SEMA3D: variants seen among roughly 807,000 people sequenced by gnomAD.
The protein encoded by SEMA3D is semaphorin-3D.
SEMA3D carries 84 observed loss-of-function variants against 100.1 expected under a neutral mutation model. That is an observed-to-expected ratio of 0.84 (90% confidence interval 0.70 to 1.01). The LOEUF (loss-of-function observed/expected upper bound fraction) is 1.01. Ranked by LOEUF, SEMA3D falls within the 50% of genes least tolerant of loss-of-function variation. The probability of loss-of-function intolerance (pLI) is 0.00; values close to 1 mark genes in which losing one functional copy is unlikely to be tolerated. For synonymous variants in SEMA3D, 312 were observed against 320.7 expected (o/e 0.97, Z 0.29); for missense variants, 875 against 934.1 (o/e 0.94, Z 0.82).
At chr7:85,230,103 C>A in the SEMA3D span, among the ~76,000 whole-genome samples, 18 of 152,132 alleles carry the variant, frequency 1.2e-4, no homozygotes, top group Admixed American at 9.2e-4. Flanking sequence ...TTGATTATAT[C>A]CATATTTCTA....
the SEMA3D span, among the ~76,000 whole-genome samples, chr7:85,206,077 T>C: frequency 6.6e-6 from 1 of 152,058 alleles, no homozygotes; most frequent in East Asian, 1.9e-4. Context: ...AAATGACGTA[T>C]CAGGACCTCC....
chr7:85,220,474 G>A, the SEMA3D span, among the ~76,000 whole-genome samples: 1 of 151,610 alleles, frequency 6.6e-6, no homozygotes, highest in Admixed American at 6.6e-5. Flanking sequence ...CTTATGAATG[G>A]GTCAGTCATA....
chr7:85,064,028 AC>A lies in SEMA3D; in HGVS notation c.718+1395del, dbSNP rs540528936. 3.5e-4 allele frequency among the ~76,000 whole-genome samples: 54 copies of A among 152,288 alleles called. No homozygotes were observed. The South Asian group carries it at 0.011, about 30-fold the overall frequency. Reference sequence around the variant, plus strand: ...TAATCTCTAATCTTCTTCATACAGTACTAAAAATAGCATATCTAGGCAAATA... The same window carrying A: ...TAATCTCTAATCTTCTTCATACAGTATAAAAATAGCATATCTAGGCAAATA... On this transcript the variant is annotated intron_variant, in intron 8 of 18. Transcript: ENST00000284136.
At chr7:85,097,744 G>A (rs187257479) in intron 4 of SEMA3D, 61 bp downstream of exon 4, 199 of 1,082,720 alleles carry the variant, frequency 1.8e-4, no homozygotes, top group South Asian at 4.2e-4. Context: ...AAAACAAAAC[G>A]GGAGAAGAAG....
chr7:85,064,374 G>A (rs760730461), intron 8 of SEMA3D, among the ~76,000 whole-genome samples: 10 of 152,180 alleles, frequency 6.6e-5, no homozygotes, highest in Non-Finnish European at 1.2e-4. Flanking sequence ...GGGTAATCAC[G>A]TAGTCATGGA....
chr7:85,083,314 AAG>A (rs1464296844), intron 4 of SEMA3D, among the ~76,000 whole-genome samples: 1 of 152,150 alleles, frequency 6.6e-6, no homozygotes, highest in African/African-American at 2.4e-5. Flanking sequence ...AATTAAGAAA[AAG>A]AGAATAATGT....
At chr7:85,213,216 A>G in the SEMA3D span, among the ~76,000 whole-genome samples, 1 of 151,980 alleles carries the variant, frequency 6.6e-6, no homozygotes, top group Non-Finnish European at 1.5e-5. Context: ...AAATAGAGAT[A>G]GTGTGCTTAA....
intron 8 of SEMA3D, among the ~76,000 whole-genome samples, chr7:85,064,236 C>T (rs1313593020): frequency 6.7e-6 from 1 of 149,312 alleles, no homozygotes; most frequent in Non-Finnish European, 1.5e-5. Context: ...TATCTTTTTA[C>T]TCAAATAGGT....
chr7:85,198,638 T>C, the SEMA3D span, among the ~76,000 whole-genome samples: 3 of 151,848 alleles, frequency 2.0e-5, no homozygotes, highest in Non-Finnish European at 4.4e-5. Context: ...TCACTTAATG[T>C]TTTAATTTTT....
the SEMA3D span, among the ~76,000 whole-genome samples, chr7:85,232,809 C>A: frequency 1.3e-5 from 2 of 152,132 alleles, no homozygotes; most frequent in South Asian, 2.1e-4. Context: ...AATAAACAAG[C>A]AAGTAAACTA....
the SEMA3D span, among the ~76,000 whole-genome samples, chr7:85,212,204 G>C: frequency 3.3e-5 from 5 of 151,918 alleles, no homozygotes; most frequent in Non-Finnish European, 7.4e-5. Flanking sequence ...GTGTTTCTCT[G>C]TTCAGAAAAT....
chr7:85,011,561 A>G (rs185815027), intron 17 of SEMA3D, among the ~76,000 whole-genome samples: 1 of 151,960 alleles, frequency 6.6e-6, no homozygotes, highest in African/African-American at 2.4e-5. Flanking sequence ...TTGAATATAA[A>G]TATCGTGAAT....
intron 5 of SEMA3D, among the ~76,000 whole-genome samples, chr7:85,076,833 C>T (rs547460460): frequency 6.5e-4 from 99 of 152,124 alleles, no homozygotes; most frequent in African/African-American, 2.2e-3. Flanking sequence ...CGGTGGCTCA[C>T]GCCTGTAATC....
chr7:85,166,565 A>G (rs1790911661), intron 1 of SEMA3D, among the ~76,000 whole-genome samples: 1 of 152,062 alleles, frequency 6.6e-6, no homozygotes, highest in African/African-American at 2.4e-5. Context: ...TCCACACAGT[A>G]ATTTATTAAA....
intron 6 of SEMA3D, 62 bp from the exon 7 acceptor site, chr7:85,068,346 G>T: frequency 2.3e-6 from 2 of 883,300 alleles, no homozygotes; most frequent in South Asian, 2.8e-5. Flanking sequence ...GTAAGAATGT[G>T]GGAGATACAA....
chr7:85,031,413 A>G (rs1316182057), intron 12 of SEMA3D, among the ~76,000 whole-genome samples: 1 of 152,084 alleles, frequency 6.6e-6, no homozygotes, highest in Non-Finnish European at 1.5e-5. Context: ...ACTTTTATTA[A>G]AGTAAGATGT....
rs939393351 is a variant in SEMA3D at position 85,142,450 on chromosome 7, GAC to G, written c.-41+11156_-41+11157del. ...AAGATGTCATAATTTATTTATAAAA[GAC>G]ACAGATTACATCAGGGAAATAAGGC... On this transcript the variant is annotated intron_variant, in intron 2 of 18. Transcript: ENST00000284136. The G allele has an allele frequency of 9.4e-6, 9 of 958,914 alleles. No homozygotes were observed. The African/African-American group carries it at 1.2e-4, about 13-fold the overall frequency. The allele number at this position is 958,914 out of a possible 1,614,324, so 59.4% of individuals were successfully genotyped here.
chr7:85,144,607 T>G (rs1790147817), intron 2 of SEMA3D: 1 of 984,458 alleles, frequency 1.0e-6, no homozygotes, highest in Non-Finnish European at 1.2e-6. Flanking sequence ...TTCTAAGAAT[T>G]TATACACATA....
At chr7:85,231,061 A>C in the SEMA3D span, among the ~76,000 whole-genome samples, 913 of 152,240 alleles carry the variant, frequency 6.0e-3, 3 homozygotes, top group Middle Eastern at 0.024. Flanking sequence ...TTGTTTTCTT[A>C]AAACGTTCTT....
Sources: allele counts gnomAD v4.1 joint callset (sites outside exome capture counted in the v4.1 genomes callset), GRCh38; gene constraint gnomAD v4.1.1; transcripts MANE v1.5; gene names NCBI Gene and HGNC (gene_info 2026-07-23, HGNC 2026-07-21).